The following MPPED2 variants were observed in gnomAD, a reference collection of about 807,000 sequenced individuals.
MPPED2 encodes the protein metallophosphoesterase domain containing 2, also known as metallophosphoesterase MPPED2.
A neutral mutation model predicts 33.0 loss-of-function variants in MPPED2; 5 were observed. The ratio of observed to expected loss-of-function variants is 0.15; its 90% CI spans 0.08 to 0.32. The LOEUF (loss-of-function observed/expected upper bound fraction) is 0.32. Ranked by LOEUF, MPPED2 falls within the 10% of genes least tolerant of loss-of-function variation. The pLI is 1.00. For synonymous variants in MPPED2, 136 were observed against 141.9 expected, an observed-to-expected ratio of 0.96 and a Z score of 0.29; for missense variants, 275 against 372.1, an observed-to-expected ratio of 0.74 and a Z score of 2.15.
At chr11:30,514,719 A>G (rs892462375) in intron 3 of MPPED2, among the ~76,000 whole-genome samples, 2 of 152,220 alleles carry the variant, frequency 1.3e-5, no homozygotes, top group Non-Finnish European at 2.9e-5. Context: ...AAAGATACTC[A>G]GTGTCCCTGT....
intron 3 of MPPED2, among the ~76,000 whole-genome samples, chr11:30,518,103 T>C (rs1953639390): frequency 6.6e-6 from 1 of 152,178 alleles, no homozygotes. Flanking sequence ...TTATGGTAGA[T>C]TATGAGCCAC....
chr11:30,494,465 C>T lies in MPPED2; in HGVS notation c.536+831G>A, dbSNP rs570731993. On this transcript the variant is annotated intron_variant, in intron 4 of 6. Coordinates refer to ENST00000358117, the MANE Select transcript of MPPED2 (RefSeq NM_001584.3). ...AAAATATTAGAAAAAGGGCCAGGAG[C>T]GGTGGCTTATACCTGTAATCCCAGC... Among the ~76,000 whole-genome samples, 23 of 152,052 alleles carry T rather than the reference C, an allele frequency of 1.5e-4. No homozygotes were observed. The East Asian group carries it at 3.3e-3, about 22-fold the overall frequency.
chr11:30,454,218 T>C (rs1950182637), intron 4 of MPPED2, among the ~76,000 whole-genome samples: 1 of 152,210 alleles, frequency 6.6e-6, no homozygotes, highest in Non-Finnish European at 1.5e-5. Flanking sequence ...CCCGTTCTGC[T>C]CTTACAGCCT....
intron 3 of MPPED2, among the ~76,000 whole-genome samples, chr11:30,510,399 C>T (rs1953094777): frequency 6.6e-6 from 1 of 152,194 alleles, no homozygotes; most frequent in African/African-American, 2.4e-5. Context: ...ACTAACATCA[C>T]AACTTTTACT....
chr11:30,549,541 T>G (rs1955599275), intron 2 of MPPED2, among the ~76,000 whole-genome samples: 1 of 152,234 alleles, frequency 6.6e-6, no homozygotes, highest in African/African-American at 2.4e-5. Flanking sequence ...TGTAGAGACT[T>G]GCAGGTCTCC....
chr11:30,437,497 G>A (rs1441418753), intron 4 of MPPED2, among the ~76,000 whole-genome samples: 2 of 152,170 alleles, frequency 1.3e-5, no homozygotes, highest in Non-Finnish European at 2.9e-5. Flanking sequence ...CTGTTTCTAA[G>A]TAAGTCCTTT....
intron 4 of MPPED2, among the ~76,000 whole-genome samples, chr11:30,470,937 T>C (rs1353273061): frequency 1.3e-5 from 2 of 152,160 alleles, no homozygotes; most frequent in Non-Finnish European, 2.9e-5. Flanking sequence ...AGAAAGAAGC[T>C]TGCAGGATGT....
At chr11:30,520,160 A>C (rs1431612664) in intron 3 of MPPED2, among the ~76,000 whole-genome samples, 2 of 152,310 alleles carry the variant, frequency 1.3e-5, no homozygotes, top group East Asian at 3.9e-4. Context: ...GAAATTAGAA[A>C]AAAAGAATGC....
intron 4 of MPPED2, among the ~76,000 whole-genome samples, chr11:30,472,095 GGCTCCT>G (rs1590415525): frequency 6.6e-6 from 1 of 152,210 alleles, no homozygotes; most frequent in African/African-American, 2.4e-5. Flanking sequence ...TAGGCGCAGT[GGCTCCT>G]GCCTGCAATC....
downstream of MPPED2, among the ~76,000 whole-genome samples, chr11:30,407,881 A>T (rs1335430277): frequency 1.3e-5 from 2 of 150,044 alleles, no homozygotes; most frequent in Admixed American, 6.6e-5. Flanking sequence ...ATAAATAAGT[A>T]AATAAATAAA....
At chr11:30,460,743 T>A (rs553580861) in intron 4 of MPPED2, among the ~76,000 whole-genome samples, 273 of 152,346 alleles carry the variant, frequency 1.8e-3, no homozygotes, top group Admixed American at 3.1e-3. Flanking sequence ...ATGGGAATTA[T>A]GTCTGCTAAA....
intron 4 of MPPED2, chr11:30,428,851 T>C (rs562690923): frequency 6.6e-6 from 1 of 152,208 alleles, no homozygotes; most frequent in African/African-American, 2.4e-5. Flanking sequence ...ATCATCATCA[T>C]TATGAATGTT....
intron 3 of MPPED2, among the ~76,000 whole-genome samples, chr11:30,511,340 A>G (rs1272469822): frequency 6.6e-6 from 1 of 152,188 alleles, no homozygotes; most frequent in Non-Finnish European, 1.5e-5. Context: ...ACTTATATTC[A>G]GGTGGGAGCA....
chr11:30,434,267 G>C (rs1174985288), intron 4 of MPPED2, among the ~76,000 whole-genome samples: 1 of 152,232 alleles, frequency 6.6e-6, no homozygotes, highest in Non-Finnish European at 1.5e-5. Context: ...CTACTGATGA[G>C]CTGAAGAGGA....
intron 2 of MPPED2, among the ~76,000 whole-genome samples, chr11:30,554,163 G>A (rs903056487): frequency 6.6e-6 from 1 of 152,046 alleles, no homozygotes; most frequent in Non-Finnish European, 1.5e-5. Flanking sequence ...CAGAGCCGTG[G>A]CAACTTTATG....
At chr11:30,436,330 C>T (rs808183) in intron 4 of MPPED2, among the ~76,000 whole-genome samples, 13,623 of 151,936 alleles carry the variant, frequency 0.09, 783 homozygotes, top group South Asian at 0.24. Flanking sequence ...AGACATCAGT[C>T]ACTTGAAGCC....
chr11:30,453,050 G>T (rs1950130296), intron 4 of MPPED2, among the ~76,000 whole-genome samples: 2 of 152,282 alleles, frequency 1.3e-5, no homozygotes, highest in East Asian at 3.9e-4. Flanking sequence ...TGTGCAGTGA[G>T]CATTGAAGGC....
chr11:30,427,859 A>G (rs1286653840), intron 4 of MPPED2, among the ~76,000 whole-genome samples: 2 of 152,054 alleles, frequency 1.3e-5, no homozygotes, highest in Admixed American at 6.5e-5. Flanking sequence ...TATAATGACT[A>G]TATATCATTT....
intron 4 of MPPED2, among the ~76,000 whole-genome samples, chr11:30,426,516 G>A (rs1224879979): frequency 6.6e-6 from 1 of 152,174 alleles, no homozygotes. Context: ...TGGATTGAAA[G>A]CCCAGTGAGG....
Sources: allele counts gnomAD v4.1 joint callset (sites outside exome capture counted in the v4.1 genomes callset), GRCh38; gene constraint gnomAD v4.1.1; transcripts MANE v1.5; gene names NCBI Gene and HGNC (gene_info 2026-07-23, HGNC 2026-07-21).